The following ADGRD2 variants were observed in gnomAD, a reference collection of about 807,000 sequenced individuals.
ADGRD2 encodes the protein G protein-coupled receptor PGR24.
A neutral mutation model predicts 44.4 loss-of-function variants in ADGRD2; 71 were observed. The ratio of observed to expected loss-of-function variants is 1.60; its 90% CI spans 1.32 to 1.95. The LOEUF is 1.95. Among genes scored for constraint, ADGRD2 ranks in the 30% most tolerant of loss-of-function variants. The pLI, the probability that ADGRD2 is intolerant of heterozygous loss-of-function variation, is 0.00. For missense variants in ADGRD2, 1,039 were observed against 512.4 expected, an observed-to-expected ratio of 2.03 and a Z score of -9.92; for synonymous variants, 481 against 224.8, an observed-to-expected ratio of 2.14 and a Z score of -10.19.
chr9:124,452,870 C>T (rs181972900), intron 2 of ADGRD2, 148 bp downstream of exon 5: 2 of 606,512 alleles, frequency 3.3e-6, no homozygotes, highest in Admixed American at 2.8e-5. Context: ...GACTGGGCGT[C>T]GGGGCTTGAC....
At chr9:124,467,459 G>A (rs1048352445) in intron 11 of ADGRD2, 12 of 458,278 alleles carry the variant, frequency 2.6e-5, no homozygotes, top group African/African-American at 1.8e-4. Context: ...CCGTGGGCAC[G>A]TTTGTCAGCA....
At chr9:124,458,080 G>T in intron 8 of ADGRD2, 33 bp from the exon 12 acceptor site, 1 of 718,026 alleles carries the variant, frequency 1.4e-6, no homozygotes, top group Non-Finnish European at 2.6e-6. Flanking sequence ...CCAGCCACCG[G>T]GTGGTGCCTT....
At chr9:124,450,793 T>C (rs1831452767), upstream of ADGRD2, among the ~76,000 whole-genome samples, 1 of 152,158 alleles carries the variant, frequency 6.6e-6, no homozygotes, top group Non-Finnish European at 1.5e-5. Flanking sequence ...TCGTGCTGTC[T>C]GGAAAAGGGA....
At chr9:124,452,546 G>A (rs1053354928) in exon 2 of ADGRD2, 12 of 718,448 alleles carry the variant, frequency 1.7e-5, no homozygotes, top group Non-Finnish European at 3.1e-5. Context: ...AAGACTGCAG[G>A]TGGGGTGTGC....
chr9:124,468,257 G>T, intron 13 of ADGRD2, 67 bp downstream of exon 16: 1 of 714,406 alleles, frequency 1.4e-6, no homozygotes, highest in South Asian at 1.5e-5. Context: ...GCTTTTCTAG[G>T]GTGACCCCCT....
At chr9:124,475,826 A>G (rs957412420) in intron 19 of ADGRD2, among the ~76,000 whole-genome samples, 2 of 152,250 alleles carry the variant, frequency 1.3e-5, no homozygotes, top group African/African-American at 2.4e-5. Context: ...CGCAGCACCC[A>G]GGTGGGAGTG....
chr9:124,468,275 A>T, intron 13 of ADGRD2, 85 bp downstream of exon 16: 1 of 708,848 alleles, frequency 1.4e-6, no homozygotes. Context: ...CCTGCCCCCA[A>T]CTATTTTCAC....
At chr9:124,458,054 A>G (rs1831650735) in intron 8 of ADGRD2, 59 bp from the exon 12 acceptor site, 1 of 715,422 alleles carries the variant, frequency 1.4e-6, no homozygotes. Context: ...CCTCGGGGCC[A>G]ACTGGTGGTG....
chr9:124,453,472 G>C, exon 3 of ADGRD2: 1 of 703,046 alleles, frequency 1.4e-6, no homozygotes, highest in Non-Finnish European at 2.6e-6. Context: ...GGACTCTCTG[G>C]GCGGTGGCTT....
intron 10 of ADGRD2, chr9:124,465,105 T>A (rs1205901926): frequency 2.0e-5 from 3 of 152,918 alleles, no homozygotes; most frequent in Non-Finnish European, 4.4e-5. Flanking sequence ...CTGCCTCCCC[T>A]CTGCCCCTTC....
At chr9:124,471,851 C>T (rs1224346599) in intron 17 of ADGRD2, among the ~76,000 whole-genome samples, 5 of 152,190 alleles carry the variant, frequency 3.3e-5, no homozygotes, top group Non-Finnish European at 7.3e-5. Flanking sequence ...AGCAGGCAGA[C>T]CATGGCCACG....
intron 17 of ADGRD2, among the ~76,000 whole-genome samples, chr9:124,473,639 G>A (rs571451303): frequency 1.3e-5 from 2 of 152,366 alleles, no homozygotes; most frequent in Non-Finnish European, 1.5e-5. Context: ...GAGATGCCCA[G>A]GGCCAAAGAA....
intron 10 of ADGRD2, among the ~76,000 whole-genome samples, chr9:124,460,203 T>A (rs1048549597): frequency 4.2e-5 from 6 of 142,032 alleles, no homozygotes; most frequent in African/African-American, 1.4e-4. Context: ...CGCTCTGATT[T>A]TTTTTTTTTT....
intron 7 of ADGRD2, 83 bp downstream of exon 10, chr9:124,456,816 A>G: frequency 1.4e-6 from 1 of 694,010 alleles, no homozygotes; most frequent in Non-Finnish European, 2.6e-6. Context: ...CTGAACTTCC[A>G]CAGACACTCC....
chr9:124,452,533 G>A (rs1349264055), exon 2 of ADGRD2: 3 of 718,588 alleles, frequency 4.2e-6, no homozygotes, highest in Non-Finnish European at 7.8e-6. Context: ...CGGCGAGGTG[G>A]TGAAGACTGC....
At chr9:124,457,496 T>C in exon 8 of ADGRD2, 1 of 665,478 alleles carries the variant, frequency 1.5e-6, no homozygotes, top group East Asian at 2.7e-5. Context: ...AGCTTACGCT[T>C]GAGGGAGGCC....
chr9:124,468,727 C>T lies in ADGRD2; in HGVS notation c.2387+55C>T, dbSNP rs959092388. 15 of 665,238 alleles carry T rather than the reference C, an allele frequency of 2.3e-5. No individual in the cohort carries two copies. The East Asian group carries it at 2.4e-4, about 11-fold the overall frequency. The allele number at this position is 665,238 out of a possible 1,614,324, so 41.2% of individuals were successfully genotyped here. On this transcript the variant is annotated intron_variant, in intron 14 of 21. Coordinates refer to ENST00000334810, the Ensembl canonical transcript of ADGRD2. ...TCTCCTCAGCTGTACCTTGCACGGCCGACCCTGCCATCTAACATGGCCCCA... is the reference window on the plus strand; with the variant it reads ...TCTCCTCAGCTGTACCTTGCACGGCTGACCCTGCCATCTAACATGGCCCCA...
intron 11 of ADGRD2, chr9:124,467,387 ACAT>A (rs2131250091): frequency 4.1e-6 from 1 of 244,878 alleles, no homozygotes; most frequent in Admixed American, 5.2e-5. Context: ...ACACTTTTCC[ACAT>A]CATGAGTATC....
At chr9:124,469,382 G>T in intron 15 of ADGRD2, 27 bp downstream of exon 18, 1 of 718,286 alleles carries the variant, frequency 1.4e-6, no homozygotes, top group Non-Finnish European at 2.6e-6. Context: ...CAGGGGAGGG[G>T]CGTGTTGGGG....
Sources: gnomAD v4.1 joint callset for allele counts (sites outside exome capture counted in the v4.1 genomes callset) on GRCh38, gnomAD v4.1.1 for gene constraint, MANE v1.5 for transcripts, NCBI Gene and HGNC (gene_info 2026-07-23, HGNC 2026-07-21) for gene names.